The following SNN variants were observed in gnomAD, a reference collection of about 807,000 sequenced individuals.
The protein encoded by SNN is stannin, also known as AG8_1.
In SNN, 5 loss-of-function variants were observed where a neutral mutation model predicts 5.3. The observed-to-expected ratio is 0.94, with a 90% confidence interval of 0.49 to 1.97. SNN has a LOEUF of 1.97. SNN is among the 30% of genes most tolerant of loss of function. The probability of loss-of-function intolerance (pLI) is 0.01; values close to 1 mark genes in which losing one functional copy is unlikely to be tolerated. For synonymous variants in SNN, 67 were observed against 52.1 expected, an observed-to-expected ratio of 1.29 and a Z score of -1.24; for missense variants, 127 against 121.6, an observed-to-expected ratio of 1.04 and a Z score of -0.21.
chr16:11,670,843 A>G (rs1376978226), intron 1 of SNN, among the ~76,000 whole-genome samples: 2 of 152,112 alleles, frequency 1.3e-5, no homozygotes, highest in East Asian at 3.9e-4. Flanking sequence ...TGGGAGGGAG[A>G]GCAGGACAGG....
Position 11,672,363 on chromosome 16 carries a change from G to C in SNN, c.-85-3612G>C, listed in dbSNP as rs1241207002. On this transcript the variant is annotated intron_variant, in intron 1 of 1. Transcript: ENST00000329565. This position sits in a 1 kb window ranked among gnomAD's most constrained non-coding sequence, Gnocchi z 6.0. ...GCTGTAGTGGTGGGGTGTGGGAGGA[G>C]GGGCGCCTGGGTCCAGGGTGGTCTG... is the stretch of plus-strand genomic sequence containing the variant. Among the ~76,000 whole-genome samples, 1 of 152,178 alleles carries C rather than the reference G, an allele frequency of 6.6e-6. No homozygotes were observed. Among genetic ancestry groups the C allele is most frequent in the African/African-American group, 2.4e-5 (1 of 41,442 alleles).
chr16:11,673,158 C>T (rs1167912646), intron 1 of SNN, among the ~76,000 whole-genome samples: 3 of 152,100 alleles, frequency 2.0e-5, no homozygotes, highest in East Asian at 3.9e-4. Context: ...GAGGTTGGGA[C>T]GAGTGTAGAC....
In SNN at chr16:11,677,363, T is replaced by C. The variant is rs2050312575; in HGVS notation, c.*1037T>C. ...TTTTCCTCTTCCCTCTTCACATCAC[T>C]TGGCTTCCTTTCCTCTCTGATGACC... On this transcript the variant is annotated 3_prime_UTR_variant, in exon 2 of 2. Coordinates refer to ENST00000329565, the MANE Select transcript of SNN (RefSeq NM_003498.6). This position sits in a 1 kb window ranked among gnomAD's most constrained non-coding sequence, Gnocchi z 4.2. The C allele has an allele frequency of 6.0e-6, 1 of 167,318 alleles. No individual in the cohort carries two copies. Among genetic ancestry groups the C allele is most frequent in the East Asian group, 1.9e-4 (1 of 5,212 alleles). The allele number at this position is 167,318 out of a possible 1,614,324, so 10.4% of individuals were successfully genotyped here.
At chr16:11,674,665 C>T (rs2050286946) in intron 1 of SNN, among the ~76,000 whole-genome samples, 1 of 152,188 alleles carries the variant, frequency 6.6e-6, no homozygotes, top group Non-Finnish European at 1.5e-5. Context: ...GCCTCATCCC[C>T]GCTCCCACCC....
rs964127315 is a variant in SNN at position 11,676,460 on chromosome 16, C to T, written c.*134C>T. On this transcript the variant is annotated 3_prime_UTR_variant, in exon 2 of 2. Coordinates refer to ENST00000329565, the MANE Select transcript of SNN (RefSeq NM_003498.6). ...GCATGGCCTCTGCGGGCTTCGTCAT[C>T]GCATGCACTGATGCCCGGGGACCTG... 5.4e-6 allele frequency: 6 copies of T among 1,119,460 alleles called. No individual in the cohort carries two copies. Among genetic ancestry groups the T allele is most frequent in the African/African-American group, 3.1e-5 (2 of 63,622 alleles). 69.3% of individuals were successfully genotyped at this position (1,119,460 alleles called of 1,614,324 possible). A position where few individuals can be genotyped will look rare whatever the true frequency, so the allele number is the denominator to read the frequency against.
At chr16:11,675,258 C>CTTTTTTTTTTTTTTT (rs769141223) in intron 1 of SNN, among the ~76,000 whole-genome samples, 2 of 125,308 alleles carry the variant, frequency 1.6e-5, no homozygotes, top group South Asian at 2.6e-4. Flanking sequence ...TTTTTTTTTT[C>CTTTTTTTTTTTTTTT]TTTTTTTTTT....
rs898343086 is a variant in SNN at position 11,668,754 on chromosome 16, C to A, written c.-86+214C>A. ...GGGCTGGGGTTCTTTGTCAGCGGCG[C>A]TGCGGCGAGATCCGGACAAAGGAGG... is the stretch of plus-strand genomic sequence containing the variant. On this transcript the variant is annotated intron_variant, in intron 1 of 1. Transcript: ENST00000329565. This position sits in a 1 kb window ranked among gnomAD's most constrained non-coding sequence, Gnocchi z 6.8. 4.0e-5 allele frequency among the ~76,000 whole-genome samples: 6 copies of A among 150,516 alleles called. No individual in the cohort carries two copies. The highest frequency in any genetic ancestry group is 7.3e-5 in the African/African-American group (3 of 41,112).
chr16:11,669,953 C>T (rs972411072), intron 1 of SNN, among the ~76,000 whole-genome samples: 8 of 152,188 alleles, frequency 5.3e-5, no homozygotes, highest in Admixed American at 1.3e-4. Flanking sequence ...GGCACAGCCC[C>T]ATCAGTGTCA....
At position 11,672,649 on chromosome 16, in the gene SNN, A is replaced by C. The variant is rs1262557390; in HGVS notation, c.-85-3326A>C. Among the ~76,000 whole-genome samples the C allele has an allele frequency of 6.6e-6, 1 of 152,174 alleles. No individual in the cohort carries two copies. Among genetic ancestry groups the C allele is most frequent in the Admixed American group, 6.5e-5 (1 of 15,284 alleles). The stretch of plus-strand genomic sequence containing the variant: ...ACAGATACGCACTCGGGAGGGCCGG[A>C]CCACAGGCCAGGCGTGACTGTGGCT... On this transcript the variant is annotated intron_variant, in intron 1 of 1. Transcript: ENST00000329565. This position sits in a 1 kb window ranked among gnomAD's most constrained non-coding sequence, Gnocchi z 6.0.
At position 11,677,411 on chromosome 16, in the gene SNN, TCA is replaced by T. The variant is rs980317162; in HGVS notation, c.*1087_*1088del. On this transcript the variant is annotated 3_prime_UTR_variant, in exon 2 of 2. Coordinates refer to ENST00000329565, the MANE Select transcript of SNN (RefSeq NM_003498.6). The surrounding 1 kb of genome is among the most constrained non-coding windows in gnomAD (Gnocchi z 4.2). ...ACCGTCCGCCTATGGGGTTCTGACT[TCA>T]CTTTCCTCAGCGGGTCTCCAGTCCC... 1.2e-5 allele frequency: 2 copies of T among 167,194 alleles called. No homozygotes were observed. The highest frequency in any genetic ancestry group is 2.4e-5 in the African/African-American group (1 of 41,436). 10.4% of individuals were successfully genotyped at this position (167,194 alleles called of 1,614,324 possible).
At chr16:11,674,988 G>A (rs1226407101) in intron 1 of SNN, among the ~76,000 whole-genome samples, 24 of 152,138 alleles carry the variant, frequency 1.6e-4, no homozygotes, top group African/African-American at 5.8e-4. Context: ...TTTCCCAAGT[G>A]CCTGTCTCCA....
rs920345218 is a variant in SNN at position 11,672,222 on chromosome 16, G to T, written c.-86+3682G>T. On this transcript the variant is annotated intron_variant, in intron 1 of 1. Coordinates refer to ENST00000329565, the MANE Select transcript of SNN (RefSeq NM_003498.6). The surrounding 1 kb of genome is among the most constrained non-coding windows in gnomAD (Gnocchi z 6.0). ...GGGTACAGCTGTGGGCGGGACAGAC[G>T]GTGCCCTCCTTGGACTGCCTTGGAG... 6.6e-6 allele frequency among the ~76,000 whole-genome samples: 1 copy of T among 152,182 alleles called. No individual in the cohort carries two copies. The highest frequency in any genetic ancestry group is 1.5e-5 in the Non-Finnish European group (1 of 68,032).
rs1274576997 is a variant in SNN at position 11,677,709 on chromosome 16, A to G, written c.*1383A>G. On this transcript the variant is annotated 3_prime_UTR_variant, in exon 2 of 2. Coordinates refer to ENST00000329565, the MANE Select transcript of SNN (RefSeq NM_003498.6). The surrounding 1 kb of genome is among the most constrained non-coding windows in gnomAD (Gnocchi z 4.2). Reference sequence around the variant, plus strand: ...TGATTTTTAATCCCACCACAAGCACATACTAATTTTATTTATGATTCAAAT... The same window carrying G: ...TGATTTTTAATCCCACCACAAGCACGTACTAATTTTATTTATGATTCAAAT... 1 of 166,988 alleles carries G rather than the reference A, an allele frequency of 6.0e-6. No individual in the cohort carries two copies. The highest frequency in any genetic ancestry group is 1.5e-5 in the Non-Finnish European group (1 of 68,122). The allele number at this position is 166,988 out of a possible 1,614,324, so 10.3% of individuals were successfully genotyped here. A position where few individuals can be genotyped will look rare whatever the true frequency, so the allele number is the denominator to read the frequency against.
At chr16:11,675,789 C>T (rs1371127111) in intron 1 of SNN, among the ~76,000 whole-genome samples, 186 bp from the exon 2 acceptor site, 1 of 152,210 alleles carries the variant, frequency 6.6e-6, no homozygotes, top group Non-Finnish European at 1.5e-5. Context: ...CTGCCTGGTA[C>T]AGCAGCACTC....
rs921267592 is a variant in SNN at position 11,676,827 on chromosome 16, CAT to C, written c.*502_*503del. On this transcript the variant is annotated 3_prime_UTR_variant, in exon 2 of 2. Coordinates refer to ENST00000329565, the MANE Select transcript of SNN (RefSeq NM_003498.6). Reference sequence around the variant, plus strand: ...CACGCCACACTCGGCAGGGGTCTCTCATGTGTGTCCATCTGCGTGTATGTCAA... The same window carrying C: ...CACGCCACACTCGGCAGGGGTCTCTCGTGTGTCCATCTGCGTGTATGTCAA... The C allele has an allele frequency of 8.7e-5, 15 of 171,910 alleles. No homozygotes were observed. Among genetic ancestry groups the C allele is most frequent in the Admixed American group, 1.2e-4 (2 of 16,372 alleles). The allele number at this position is 171,910 out of a possible 1,614,324, so 10.6% of individuals were successfully genotyped here.
In SNN at chr16:11,668,832, C is replaced by T. The variant is rs1421319129; in HGVS notation, c.-86+292C>T. 1.3e-5 allele frequency among the ~76,000 whole-genome samples: 2 copies of T among 151,610 alleles called. No individual in the cohort carries two copies. Among genetic ancestry groups the T allele is most frequent in the Admixed American group, 1.3e-4 (2 of 15,256 alleles). The stretch of plus-strand genomic sequence containing the variant: ...GGATCGCGGGGCGCTCGCCCCCGCC[C>T]GTGCAGCCCCCGCCCGTCCTCAGCT... On this transcript the variant is annotated intron_variant, in intron 1 of 1. Coordinates refer to ENST00000329565, the MANE Select transcript of SNN (RefSeq NM_003498.6). This position sits in a 1 kb window ranked among gnomAD's most constrained non-coding sequence, Gnocchi z 6.8.
chr16:11,673,364 C>T (rs1487696573), intron 1 of SNN, among the ~76,000 whole-genome samples: 3 of 152,072 alleles, frequency 2.0e-5, no homozygotes, highest in East Asian at 1.9e-4. Context: ...GAGAGGTGGG[C>T]GCTAATCAGG....
rs900417590 is a variant in SNN at position 11,672,675 on chromosome 16, C to T, written c.-85-3300C>T. On this transcript the variant is annotated intron_variant, in intron 1 of 1. Coordinates refer to ENST00000329565, the MANE Select transcript of SNN (RefSeq NM_003498.6). This position sits in a 1 kb window ranked among gnomAD's most constrained non-coding sequence, Gnocchi z 6.0. ...CCACAGGCCAGGCGTGACTGTGGCTCAGTCACTGGGCTCTGTGCTCGCGGC... is the reference window on the plus strand; with the variant it reads ...CCACAGGCCAGGCGTGACTGTGGCTTAGTCACTGGGCTCTGTGCTCGCGGC... Among the ~76,000 whole-genome samples the T allele has an allele frequency of 6.6e-6, 1 of 152,206 alleles. No homozygotes were observed. Among genetic ancestry groups the T allele is most frequent in the Non-Finnish European group, 1.5e-5 (1 of 68,040 alleles).
In SNN at chr16:11,671,582, A is replaced by G. The variant is rs1597388184; in HGVS notation, c.-86+3042A>G. Reference sequence around the variant, plus strand: ...GGTGGCTGCAGCCTTTCTGGATCAGATGCTGGTGGGAATGAATGTGAGCTG... The same window carrying G: ...GGTGGCTGCAGCCTTTCTGGATCAGGTGCTGGTGGGAATGAATGTGAGCTG... On this transcript the variant is annotated intron_variant, in intron 1 of 1. Transcript: ENST00000329565. This position sits in a 1 kb window ranked among gnomAD's most constrained non-coding sequence, Gnocchi z 4.7. Among the ~76,000 whole-genome samples the G allele has an allele frequency of 6.6e-6, 1 of 152,084 alleles. No homozygotes were observed. The highest frequency in any genetic ancestry group is 6.6e-5 in the Admixed American group (1 of 15,266).
Sources: gnomAD v4.1 joint callset for allele counts (sites outside exome capture counted in the v4.1 genomes callset) on GRCh38, gnomAD v4.1.1 for gene constraint, Gnocchi (gnomAD v3.1) non-coding constraint, MANE v1.5 for transcripts, NCBI Gene and HGNC (gene_info 2026-07-23, HGNC 2026-07-21) for gene names.